ADCY3: variants seen among roughly 807,000 people sequenced by gnomAD.
The protein encoded by ADCY3 is adenylate cyclase 3, also known as adenylate cyclase type 3.
In ADCY3, 70 loss-of-function variants were observed where a neutral mutation model predicts 119.4. The observed-to-expected ratio is 0.59, with a 90% CI of 0.48 to 0.72. The LOEUF is 0.72. ADCY3 is among the 30% of genes least tolerant of loss of function. ADCY3 has a pLI of 0.00. For missense variants in ADCY3, 1,238 were observed against 1,541.6 expected (o/e 0.80, Z 3.30); for synonymous variants, 672 against 621.4 (o/e 1.08, Z -1.21).
chr2:24,913,109 A>G (rs1663999308), intron 2 of ADCY3, among the ~76,000 whole-genome samples: 1 of 152,194 alleles, frequency 6.6e-6, no homozygotes, highest in Non-Finnish European at 1.5e-5. Flanking sequence ...GCCCAGGGCC[A>G]AAGAGCCAGG....
At chr2:24,917,752 G>A (rs940956640) in intron 2 of ADCY3, among the ~76,000 whole-genome samples, 1 of 152,138 alleles carries the variant, frequency 6.6e-6, no homozygotes, top group African/African-American at 2.4e-5. Flanking sequence ...CAGGCACCCC[G>A]AGCTCCCGGA....
At chr2:24,860,009 A>G (rs1209931940) in intron 3 of ADCY3, among the ~76,000 whole-genome samples, 1 of 152,252 alleles carries the variant, frequency 6.6e-6, no homozygotes, top group East Asian at 1.9e-4. Flanking sequence ...CCGAGGGAGG[A>G]CCAGGCACAG....
At chr2:24,891,094 T>C (rs1245573185) in intron 2 of ADCY3, among the ~76,000 whole-genome samples, 1 of 152,076 alleles carries the variant, frequency 6.6e-6, no homozygotes, top group East Asian at 1.9e-4. Flanking sequence ...GGTCTCGAAC[T>C]CCTGACCTCA....
intron 3 of ADCY3, among the ~76,000 whole-genome samples, chr2:24,847,307 C>T (rs1243802273): frequency 6.6e-6 from 1 of 152,174 alleles, no homozygotes; most frequent in African/African-American, 2.4e-5. Context: ...GATTCCGAGG[C>T]CTCCCCAGCC....
chr2:24,836,158 C>A (rs1485723409), intron 9 of ADCY3, among the ~76,000 whole-genome samples: 2 of 152,212 alleles, frequency 1.3e-5, no homozygotes, highest in African/African-American at 4.8e-5. Context: ...AAAGCTGCAT[C>A]TGTGTCCTCC....
rs745448867 is a variant in ADCY3, at chr2:24,819,904, G to C, written c.*28C>G. 4.4e-6 allele frequency: 7 copies of C among 1,608,640 alleles called. No homozygotes were observed. Among genetic ancestry groups the C allele is most frequent in the Non-Finnish European group, 5.1e-6 (6 of 1,177,778 alleles). The stretch of plus-strand genomic sequence containing the variant: ...TTCAAAAAATAAATTCTCCCTTCCG[G>C]TTTGGACTGTTGCAGGCTCGAGGCC... On this transcript the variant is annotated 3_prime_UTR_variant, in exon 22 of 22. Transcript: ENST00000679454.
rs886293677 is a variant in ADCY3 at position 24,820,426 on chromosome 2, T to G, written c.3252+298A>C. ...CTGCTCTTCTGTCCCTTTGCCCCTT[T>G]CGTGGAGCTTTTCTGCCAGACGCCA... On this transcript the variant is annotated intron_variant, in intron 21 of 21. Transcript: ENST00000679454. 1.5e-5 allele frequency: 20 copies of G among 1,321,222 alleles called. No individual in the cohort carries two copies. In the African/African-American group the frequency reaches 3.0e-4, roughly 20 times the overall value. The allele number at this position is 1,321,222 out of a possible 1,614,324, so 81.8% of individuals were successfully genotyped here.
intron 20 of ADCY3, 193 bp from the exon 21 acceptor site, chr2:24,821,041 G>A: frequency 1.4e-6 from 1 of 729,690 alleles, no homozygotes; most frequent in Non-Finnish European, 2.1e-6. Context: ...TTAGGTGTCA[G>A]CCGCCACCCC....
At chr2:24,877,907 C>T in intron 2 of ADCY3, 1 of 471,194 alleles carries the variant, frequency 2.1e-6, no homozygotes, top group South Asian at 1.5e-5. Flanking sequence ...AGTCCCGGGT[C>T]CTGGGGTGAC....
At position 24,839,751 on chromosome 2, in the gene ADCY3, C is replaced by T. The variant is rs1422268909; in HGVS notation, c.1355+122G>A. ...AGGGCGAGACAGGAGGAATGCTGTT[C>T]CGGGGTTGTAGGGAGGCCTTCTCTG... is the stretch of plus-strand genomic sequence containing the variant. On this transcript the variant is annotated intron_variant, in intron 7 of 21. Transcript: ENST00000679454. 4 of 1,391,108 alleles carry T rather than the reference C, an allele frequency of 2.9e-6. No individual in the cohort carries two copies. In the East Asian group the frequency reaches 6.9e-5, roughly 24 times the overall value. The allele number at this position is 1,391,108 out of a possible 1,614,324, so 86.2% of individuals were successfully genotyped here. A position where few individuals can be genotyped will look rare whatever the true frequency, so the allele number is the denominator to read the frequency against.
In ADCY3 at chr2:24,919,163, A is replaced by G; in HGVS notation, c.-176T>C. 1 of 627,322 alleles carries G rather than the reference A, an allele frequency of 1.6e-6. No individual in the cohort carries two copies. Among genetic ancestry groups the G allele is most frequent in the Non-Finnish European group, 2.8e-6 (1 of 362,416 alleles). 38.9% of individuals were successfully genotyped at this position (627,322 alleles called of 1,614,324 possible). On this transcript the variant is annotated 5_prime_UTR_variant, in exon 2 of 22. Coordinates refer to ENST00000679454, the MANE Select transcript of ADCY3 (RefSeq NM_004036.5). This position sits in a 1 kb window ranked among gnomAD's most constrained non-coding sequence, Gnocchi z 5.5. Reference sequence around the variant, plus strand: ...AACGCAGAGCGGGTTTCCAGAGCACAGGTAGCACTGATCAGCTAGAACTGA... The same window carrying G: ...AACGCAGAGCGGGTTTCCAGAGCACGGGTAGCACTGATCAGCTAGAACTGA...
chr2:24,825,041 A>G (rs934610), intron 16 of ADCY3, among the ~76,000 whole-genome samples: 93,941 of 152,032 alleles, frequency 0.62, 30,345 homozygotes, highest in East Asian at 0.87. Context: ...AGCCTCCGTA[A>G]TTACAGCAGA....
chr2:24,863,328 C>A (rs541344805), intron 3 of ADCY3, among the ~76,000 whole-genome samples: 3 of 152,110 alleles, frequency 2.0e-5, no homozygotes, highest in Non-Finnish European at 4.4e-5. Flanking sequence ...ACTGGCCTAG[C>A]CTCCATACAG....
At position 24,820,731 on chromosome 2, in the gene ADCY3, T is replaced by G; in HGVS notation, c.3245A>C (p.Asn1082Thr). The G allele has an allele frequency of 6.2e-7, 1 of 1,614,120 alleles. No individual in the cohort carries two copies. Among genetic ancestry groups the G allele is most frequent in the Non-Finnish European group, 8.5e-7 (1 of 1,179,998 alleles). ...SRMESTGVMG[N>T]IQVVEETQVI... ...CTGTGCCACTGGACATACCTGAATG[T>G]TGCCCATGACCCCCGTGGACTCCAT... The change falls in exon 21 of 22, where the codon AAC becomes ACC. Residue 1082 changes from asparagine to threonine, a missense_variant. Coordinates refer to ENST00000679454, the MANE Select transcript of ADCY3 (RefSeq NM_004036.5).
chr2:24,840,908 TGAG>T (rs746881655), intron 6 of ADCY3, among the ~76,000 whole-genome samples: 1 of 152,018 alleles, frequency 6.6e-6, no homozygotes, highest in Non-Finnish European at 1.5e-5. Context: ...GAGAAAACAC[TGAG>T]GAGAGATGGG....
Position 24,820,403 on chromosome 2 carries a change from G to A in ADCY3, c.3253-289C>T. 5 of 1,314,902 alleles carry A rather than the reference G, an allele frequency of 3.8e-6. No individual in the cohort carries two copies. The African/African-American group carries it at 6.0e-5, about 16-fold the overall frequency. 81.5% of individuals were successfully genotyped at this position (1,314,902 alleles called of 1,614,324 possible). On this transcript the variant is annotated intron_variant, in intron 21 of 21. Coordinates refer to ENST00000679454, the MANE Select transcript of ADCY3 (RefSeq NM_004036.5). ...TGTTACCTGGAAACTGCCACTGCCT[G>A]CTCTTCTGTCCCTTTGCCCCTTTCG... is the stretch of plus-strand genomic sequence containing the variant.
At chr2:24,828,644 G>A (rs149687416) in intron 13 of ADCY3, among the ~76,000 whole-genome samples, 78 of 152,276 alleles carry the variant, frequency 5.1e-4, no homozygotes, top group Non-Finnish European at 9.3e-4. Flanking sequence ...TTCTTTACTG[G>A]TTCTGCTACT....
chr2:24,825,595 CA>C, intron 16 of ADCY3: 1 of 168,880 alleles, frequency 5.9e-6, no homozygotes. Flanking sequence ...CTCAGCCTCC[CA>C]AAATGAGCCA....
Position 24,821,636 on chromosome 2 carries a change from T to C in ADCY3, c.3008A>G (p.Asp1003Gly). The C allele has an allele frequency of 6.2e-7, 1 of 1,613,984 alleles. No homozygotes were observed. The highest frequency in any genetic ancestry group is 1.1e-5 in the South Asian group (1 of 91,070). ...CTGCCAGCGCTCTCTCTCGGACTTG[T>C]CTTCCTGTGCCAGGGGACCGTGGAG... The part of the protein sequence containing the change: ...TNGFASSNKE[D>G]KSERERWQHL... The change falls in exon 20 of 22, where the codon GAC becomes GGC. Residue 1003 changes from aspartate to glycine, a missense_variant. Physicochemically the swap from Asp to Gly is moderately conservative, Grantham distance 94. Coordinates refer to ENST00000679454, the MANE Select transcript of ADCY3 (RefSeq NM_004036.5).
Sources: allele counts gnomAD v4.1 joint callset (sites outside exome capture counted in the v4.1 genomes callset), GRCh38; gene constraint gnomAD v4.1.1; non-coding constraint Gnocchi (gnomAD v3.1); transcripts MANE v1.5; gene names NCBI Gene and HGNC (gene_info 2026-07-23, HGNC 2026-07-21).